The following FBXL7 variants were observed in gnomAD, a reference collection of about 807,000 sequenced individuals.
The protein encoded by FBXL7 is F-box/LRR-repeat protein 7.
Under a neutral mutation model 38.3 loss-of-function variants are expected in FBXL7, and 12 were observed. The ratio of observed to expected loss-of-function variants is 0.31; its 90% CI spans 0.20 to 0.51. The LOEUF (loss-of-function observed/expected upper bound fraction) is 0.51, where lower values mean the gene tolerates loss of function less well. Ranked by LOEUF, FBXL7 falls within the 20% of genes least tolerant of loss-of-function variation. The pLI is 0.98. For missense variants in FBXL7, 567 were observed against 676.4 expected, an observed-to-expected ratio of 0.84 and a Z score of 1.79; for synonymous variants, 297 against 300.9, an observed-to-expected ratio of 0.99 and a Z score of 0.13.
chr5:15,543,939 T>C (rs1244238334), intron 1 of FBXL7, among the ~76,000 whole-genome samples: 1 of 151,910 alleles, frequency 6.6e-6, no homozygotes, highest in Non-Finnish European at 1.5e-5. Context: ...ACTCCGGAGG[T>C]GGGACTGGGG....
chr5:15,865,300 T>C lies in FBXL7; in HGVS notation c.128-62590T>C, dbSNP rs184820199. ...TCCCAAAGGAAAGGTTGCAAGGAGGTTGAATGAGTACCATAGCTATCCATA... is the reference window on the plus strand; with the variant it reads ...TCCCAAAGGAAAGGTTGCAAGGAGGCTGAATGAGTACCATAGCTATCCATA... On this transcript the variant is annotated intron_variant, in intron 2 of 3. Coordinates refer to ENST00000504595, the MANE Select transcript of FBXL7 (RefSeq NM_012304.5). Among the ~76,000 whole-genome samples, 24 of 152,138 alleles carry C rather than the reference T, an allele frequency of 1.6e-4. No individual in the cohort carries two copies. The East Asian group carries it at 3.9e-3, about 25-fold the overall frequency.
intron 2 of FBXL7, among the ~76,000 whole-genome samples, chr5:15,743,783 G>A (rs1004983652): frequency 1.3e-5 from 2 of 152,200 alleles, no homozygotes; most frequent in South Asian, 2.1e-4. Context: ...CCTGGACATC[G>A]GGTGTTTTCA....
intron 2 of FBXL7, among the ~76,000 whole-genome samples, chr5:15,824,487 G>T (rs762434119): frequency 1.3e-5 from 2 of 151,588 alleles, no homozygotes; most frequent in Non-Finnish European, 1.5e-5. Flanking sequence ...GCCCTCTACT[G>T]TTCTTCAGAG....
chr5:15,643,340 T>G (rs1372408405), intron 2 of FBXL7, among the ~76,000 whole-genome samples: 2 of 152,206 alleles, frequency 1.3e-5, no homozygotes, highest in African/African-American at 4.8e-5. Flanking sequence ...CAATAAAATA[T>G]AGCCAGGAAT....
chr5:15,518,033 C>G (rs566631), intron 1 of FBXL7, among the ~76,000 whole-genome samples: 3,356 of 152,176 alleles, frequency 0.022, 140 homozygotes, highest in African/African-American at 0.077. Flanking sequence ...CTCTGTCACC[C>G]AGGCTGGAGT....
At position 15,938,994 on chromosome 5, in the gene FBXL7, T is replaced by C; in HGVS notation, c.*1808T>C. The stretch of plus-strand genomic sequence containing the variant: ...AACCTCTGCATCTCCAAGCCAGTTA[T>C]GCTGAATTTGTCAAACTTAGACACC... On this transcript the variant is annotated 3_prime_UTR_variant, in exon 4 of 4. Transcript: ENST00000504595. The C allele has an allele frequency of 2.5e-6, 1 of 399,082 alleles. No individual in the cohort carries two copies. Among genetic ancestry groups the C allele is most frequent in the Non-Finnish European group, 4.4e-6 (1 of 226,068 alleles). The allele number at this position is 399,082 out of a possible 1,614,324, so 24.7% of individuals were successfully genotyped here. A position where few individuals can be genotyped will look rare whatever the true frequency, so the allele number is the denominator to read the frequency against.
intron 1 of FBXL7, among the ~76,000 whole-genome samples, chr5:15,533,857 C>A (rs75518528): frequency 0.016 from 2,365 of 152,194 alleles, 54 homozygotes; most frequent in African/African-American, 0.055. Flanking sequence ...GGTTCACTTT[C>A]TTGTACACTA....
intron 2 of FBXL7, among the ~76,000 whole-genome samples, chr5:15,871,456 C>T (rs944548161): frequency 3.3e-5 from 5 of 152,048 alleles, no homozygotes; most frequent in Non-Finnish European, 7.4e-5. Context: ...ATGAGTTTGA[C>T]GAATTGACAG....
At chr5:15,913,595 T>C (rs1192484216) in intron 2 of FBXL7, among the ~76,000 whole-genome samples, 3 of 152,244 alleles carry the variant, frequency 2.0e-5, no homozygotes, top group Non-Finnish European at 4.4e-5. Context: ...CTAAATTCAA[T>C]ACTATGCCAT....
In FBXL7 at chr5:15,785,351, C is replaced by T. The variant is rs747464078; in HGVS notation, c.128-142539C>T. On this transcript the variant is annotated intron_variant, in intron 2 of 3. Coordinates refer to ENST00000504595, the MANE Select transcript of FBXL7 (RefSeq NM_012304.5). ...TTAATGTGACCATGATACACATTCA[C>T]GTGTGCACACCTACACACAGTCACA... is the stretch of plus-strand genomic sequence containing the variant. Among the ~76,000 whole-genome samples, 14 of 152,274 alleles carry T rather than the reference C, an allele frequency of 9.2e-5. No homozygotes were observed. The South Asian group carries it at 1.5e-3, about 16-fold the overall frequency.
chr5:15,501,866 ATGTGTGTGTGTG>A, intron 1 of FBXL7: 2 of 224,158 alleles, frequency 8.9e-6, no homozygotes, highest in Non-Finnish European at 7.2e-6. Context: ...GTGCATGTGT[ATGTGTGTGTGTG>A]TGTGTGTGTG....
chr5:15,932,008 T>C (rs1014561796), intron 3 of FBXL7, among the ~76,000 whole-genome samples: 2 of 152,226 alleles, frequency 1.3e-5, no homozygotes, highest in Non-Finnish European at 2.9e-5. Context: ...AGCTTTGAGC[T>C]TTATAAGGGC....
At chr5:15,718,689 TTAAAA>T (rs1418232239) in intron 2 of FBXL7, among the ~76,000 whole-genome samples, 1 of 152,232 alleles carries the variant, frequency 6.6e-6, no homozygotes. Flanking sequence ...TACGTGGTGT[TTAAAA>T]TAAATATCAT....
rs979858001 is a variant in FBXL7, at chr5:15,720,038, G to A, written c.127+103966G>A. On this transcript the variant is annotated intron_variant, in intron 2 of 3. Coordinates refer to ENST00000504595, the MANE Select transcript of FBXL7 (RefSeq NM_012304.5). ...CCAGTTCTGTGCCAGCCATTGGGCT[G>A]TGAGCCGAAGTCATTCAAAGGAATG... 7.8e-4 allele frequency among the ~76,000 whole-genome samples: 116 copies of A among 149,128 alleles called. 12 individuals carry two copies. The highest frequency in any genetic ancestry group is 1.4e-3 in the Admixed American group (21 of 14,806).
intron 2 of FBXL7, among the ~76,000 whole-genome samples, chr5:15,629,269 A>G (rs1286305786): frequency 6.6e-6 from 1 of 152,132 alleles, no homozygotes; most frequent in African/African-American, 2.4e-5. Context: ...ACTCAGATCC[A>G]TACTCAGAAG....
intron 2 of FBXL7, among the ~76,000 whole-genome samples, chr5:15,847,968 C>A (rs1411042069): frequency 6.6e-6 from 1 of 152,176 alleles, no homozygotes. Flanking sequence ...TGGAGAGGAA[C>A]ACAGCCCAGC....
intron 2 of FBXL7, among the ~76,000 whole-genome samples, chr5:15,671,586 A>G (rs565875828): frequency 4.0e-4 from 61 of 152,386 alleles, no homozygotes; most frequent in South Asian, 1.0e-3. Flanking sequence ...CTGAGAAGCA[A>G]TGACTTTGTT....
chr5:15,889,377 C>A (rs1238052181), intron 2 of FBXL7, among the ~76,000 whole-genome samples: 2 of 152,176 alleles, frequency 1.3e-5, no homozygotes, highest in Non-Finnish European at 2.9e-5. Context: ...TGAGTATCTT[C>A]CTCATTGAAA....
intron 1 of FBXL7, chr5:15,580,589 C>G (rs896455519): frequency 1.0e-6 from 1 of 980,870 alleles, no homozygotes; most frequent in Non-Finnish European, 1.2e-6. Context: ...AAATCTTGCA[C>G]TATTTGACTC....
Sources: gnomAD v4.1 joint callset for allele counts (sites outside exome capture counted in the v4.1 genomes callset) on GRCh38, gnomAD v4.1.1 for gene constraint, MANE v1.5 for transcripts, NCBI Gene and HGNC (gene_info 2026-07-23, HGNC 2026-07-21) for gene names.